BRINP3: variants seen among roughly 807,000 people sequenced by gnomAD.
BRINP3 encodes BMP/retinoic acid-inducible neural-specific protein 3.
In BRINP3, 19 loss-of-function variants were observed where a neutral mutation model predicts 71.0. The observed-to-expected ratio is 0.27, with a 90% CI of 0.19 to 0.39. The LOEUF (loss-of-function observed/expected upper bound fraction) is 0.39, where lower values mean the gene tolerates loss of function less well. Ranked by LOEUF, BRINP3 falls within the 10% of genes least tolerant of loss-of-function variation. BRINP3 has a pLI of 1.00. For synonymous variants in BRINP3, 380 were observed against 337.7 expected, an observed-to-expected ratio of 1.13 and a Z score of -1.37; for missense variants, 959 against 940.8, an observed-to-expected ratio of 1.02 and a Z score of -0.25.
intron 6 of BRINP3, among the ~76,000 whole-genome samples, chr1:190,203,477 G>GTATATATATA (rs1419268045): frequency 6.8e-6 from 1 of 147,414 alleles, no homozygotes; most frequent in East Asian, 2.0e-4. Flanking sequence ...GTGTGTGTGT[G>GTATATATATA]TGTATATATA....
At chr1:190,379,125 T>C (rs1670358773) in intron 2 of BRINP3, among the ~76,000 whole-genome samples, 2 of 152,092 alleles carry the variant, frequency 1.3e-5, no homozygotes, top group South Asian at 4.1e-4. Context: ...GAAAACAATA[T>C]ACAAAAGATG....
intron 7 of BRINP3, among the ~76,000 whole-genome samples, chr1:190,141,484 A>C (rs1420506632): frequency 6.6e-6 from 1 of 150,966 alleles, no homozygotes; most frequent in Non-Finnish European, 1.5e-5. Context: ...TATAACCTTT[A>C]GAATATCACT....
chr1:190,245,838 T>C (rs905494220), intron 4 of BRINP3, among the ~76,000 whole-genome samples: 2 of 146,734 alleles, frequency 1.4e-5, no homozygotes, highest in South Asian at 4.3e-4. Flanking sequence ...CACCTATGAG[T>C]GAGAACATGC....
At chr1:190,232,839 A>G (rs1220162984) in intron 5 of BRINP3, among the ~76,000 whole-genome samples, 1 of 152,110 alleles carries the variant, frequency 6.6e-6, no homozygotes, top group Non-Finnish European at 1.5e-5. Flanking sequence ...TTTTTATTGC[A>G]ATTCATATTC....
In BRINP3 at chr1:190,329,848, C is replaced by T. The variant is rs79806195; in HGVS notation, c.237-48098G>A. ...CAGAAATAAATCCACATACCTAGAGCCATCTGATCTTCAATGAACTCATTA... is the reference window on the plus strand; with the variant it reads ...CAGAAATAAATCCACATACCTAGAGTCATCTGATCTTCAATGAACTCATTA... On this transcript the variant is annotated intron_variant, in intron 2 of 7. Transcript: ENST00000367462. Among the ~76,000 whole-genome samples, 509 of 151,946 alleles carry T rather than the reference C, an allele frequency of 3.3e-3. 6 individuals are homozygous for T. Among genetic ancestry groups the T allele is most frequent in the African/African-American group, 0.012 (481 of 41,470 alleles).
intron 6 of BRINP3, among the ~76,000 whole-genome samples, chr1:190,218,341 G>A (rs1656585361): frequency 6.6e-6 from 1 of 151,912 alleles, no homozygotes; most frequent in African/African-American, 2.4e-5. Flanking sequence ...ATATTTCAGA[G>A]ATTTATTCAT....
At chr1:190,429,903 T>C (rs961248157) in intron 2 of BRINP3, among the ~76,000 whole-genome samples, 2 of 152,148 alleles carry the variant, frequency 1.3e-5, no homozygotes, top group African/African-American at 4.8e-5. Flanking sequence ...AAATTTTAAT[T>C]ACATCTACCT....
At chr1:190,430,399 T>C (rs186514883) in intron 2 of BRINP3, among the ~76,000 whole-genome samples, 299 of 152,226 alleles carry the variant, frequency 2.0e-3, no homozygotes, top group African/African-American at 7.1e-3. Flanking sequence ...AATGAAGGAT[T>C]AGTCAAGGTG....
At chr1:190,230,872 G>T (rs4622069) in intron 5 of BRINP3, among the ~76,000 whole-genome samples, 61,090 of 150,852 alleles carry the variant, frequency 0.4, 13,227 homozygotes, top group Non-Finnish European at 0.49. Flanking sequence ...TAATATATTT[G>T]ATTAATCAAT....
chr1:190,373,426 A>T (rs1669990472), intron 2 of BRINP3, among the ~76,000 whole-genome samples: 1 of 128,020 alleles, frequency 7.8e-6, no homozygotes, highest in Non-Finnish European at 1.7e-5. Context: ...CCTTAATTAT[A>T]TATATATATG....
At chr1:190,295,018 G>A (rs1664145386) in intron 2 of BRINP3, among the ~76,000 whole-genome samples, 1 of 151,972 alleles carries the variant, frequency 6.6e-6, no homozygotes, top group African/African-American at 2.4e-5. Flanking sequence ...AGTTGAAGAA[G>A]GGGTGACGCA....
intron 2 of BRINP3, among the ~76,000 whole-genome samples, chr1:190,445,036 C>T (rs192829602): frequency 6.6e-6 from 1 of 151,890 alleles, no homozygotes; most frequent in African/African-American, 2.4e-5. Flanking sequence ...GTGTAAGACT[C>T]TTTTAGAGGC....
chr1:190,430,019 T>G (rs778823088), intron 2 of BRINP3, among the ~76,000 whole-genome samples: 83 of 152,132 alleles, frequency 5.5e-4, no homozygotes, highest in Non-Finnish European at 1.1e-3. Context: ...TAGAAATATT[T>G]TATATCTATA....
intron 2 of BRINP3, among the ~76,000 whole-genome samples, chr1:190,306,721 T>G (rs1665128359): frequency 6.6e-6 from 1 of 151,784 alleles, no homozygotes; most frequent in South Asian, 2.1e-4. Flanking sequence ...ATAATCAAGA[T>G]TTATTGTACA....
intron 6 of BRINP3, among the ~76,000 whole-genome samples, chr1:190,225,168 G>A (rs958650615): frequency 6.6e-6 from 1 of 151,938 alleles, no homozygotes; most frequent in African/African-American, 2.4e-5. Flanking sequence ...ATATATAGCT[G>A]CACTCCCTTA....
chr1:190,308,085 C>G, intron 2 of BRINP3, among the ~76,000 whole-genome samples: 1 of 151,748 alleles, frequency 6.6e-6, no homozygotes, highest in African/African-American at 2.4e-5. Context: ...AATAGGGAAC[C>G]TCTAACTCCT....
chr1:190,111,400 C>G (rs1043413928), intron 7 of BRINP3, among the ~76,000 whole-genome samples: 1 of 151,738 alleles, frequency 6.6e-6, no homozygotes, highest in African/African-American at 2.4e-5. Context: ...AAGTGAGAAA[C>G]AGCAACGTGA....
chr1:190,420,869 A>G lies in BRINP3; in HGVS notation c.236+33786T>C, dbSNP rs187948038. ...TTAGAAAAAGACAATGTTTCCAGGGAGATTTCGGCTCTTCCATAATCTAAA... is the reference window on the plus strand; with the variant it reads ...TTAGAAAAAGACAATGTTTCCAGGGGGATTTCGGCTCTTCCATAATCTAAA... On this transcript the variant is annotated intron_variant, in intron 2 of 7. Coordinates refer to ENST00000367462, the MANE Select transcript of BRINP3 (RefSeq NM_199051.3). 2.6e-5 allele frequency among the ~76,000 whole-genome samples: 4 copies of G among 151,976 alleles called. No individual in the cohort carries two copies. The East Asian group carries it at 7.7e-4, about 29-fold the overall frequency.
intron 2 of BRINP3, among the ~76,000 whole-genome samples, chr1:190,396,143 C>T (rs1288475376): frequency 1.3e-5 from 2 of 151,330 alleles, no homozygotes; most frequent in Non-Finnish European, 3.0e-5. Context: ...AGATGGGAAA[C>T]CCAGGAGATA....
Sources: allele counts gnomAD v4.1 joint callset (sites outside exome capture counted in the v4.1 genomes callset), GRCh38; gene constraint gnomAD v4.1.1; transcripts MANE v1.5; gene names NCBI Gene and HGNC (gene_info 2026-07-23, HGNC 2026-07-21).